Variants in ALG14 observed in about 807,000 individuals in gnomAD.
The protein encoded by ALG14 is UDP-N-acetylglucosamine transferase subunit ALG14.
A neutral mutation model predicts 22.8 loss-of-function variants in ALG14; 17 were observed. That is an observed-to-expected ratio of 0.75 (90% CI 0.51 to 1.12). The LOEUF (loss-of-function observed/expected upper bound fraction) is 1.12. Among genes scored for constraint, ALG14 ranks in the 50% most tolerant of loss-of-function variants. The pLI, the probability that ALG14 is intolerant of heterozygous loss-of-function variation, is 0.00. For missense variants in ALG14, 288 were observed against 271.8 expected, an observed-to-expected ratio of 1.06 and a Z score of -0.42; for synonymous variants, 89 against 103.7, an observed-to-expected ratio of 0.86 and a Z score of 0.86.
chr1:94,999,284 TAA>T (rs34508503), intron 3 of ALG14, among the ~76,000 whole-genome samples: 55 of 112,400 alleles, frequency 4.9e-4, no homozygotes, highest in Middle Eastern at 4.9e-3. Context: ...TCCACAAAGT[TAA>T]AAAAAAAAAA....
chr1:95,058,591 T>C (rs565327342), intron 2 of ALG14, among the ~76,000 whole-genome samples: 1 of 140,414 alleles, frequency 7.1e-6, no homozygotes, highest in East Asian at 2.2e-4. Flanking sequence ...CACTCCAGCC[T>C]GGACAACAGA....
At chr1:95,006,726 C>A (rs1057166191) in intron 3 of ALG14, among the ~76,000 whole-genome samples, 1 of 152,228 alleles carries the variant, frequency 6.6e-6, no homozygotes, top group African/African-American at 2.4e-5. Flanking sequence ...CGACAAAGGT[C>A]TTTGTTCTGG....
In ALG14 at chr1:95,008,753, T is replaced by TCACC. The variant is rs535758088; in HGVS notation, c.420+18375_420+18376insGGTG. On this transcript the variant is annotated intron_variant, in intron 3 of 3. Coordinates refer to ENST00000370205, the MANE Select transcript of ALG14 (RefSeq NM_144988.4). ...AAGCACATTTACAAGGTTGTAATTG[T>TCACC]GCTATCCATTTCTAGAACATTTTTG... 3.2e-3 allele frequency among the ~76,000 whole-genome samples: 482 copies of TCACC among 152,308 alleles called. 1 individual carries two copies. Among genetic ancestry groups the TCACC allele is most frequent in the African/African-American group, 0.011 (465 of 41,566 alleles).
intron 3 of ALG14, among the ~76,000 whole-genome samples, chr1:95,021,041 CT>C (rs1179874660): frequency 1.3e-5 from 2 of 152,164 alleles, no homozygotes; most frequent in Non-Finnish European, 2.9e-5. Flanking sequence ...ATATTTAACA[CT>C]TTAGAAACAT....
chr1:95,068,205 T>C (rs181677086), intron 1 of ALG14, among the ~76,000 whole-genome samples: 1 of 152,182 alleles, frequency 6.6e-6, no homozygotes, highest in Non-Finnish European at 1.5e-5. Flanking sequence ...AGAATGAATG[T>C]TTGATATTAA....
At chr1:94,990,653 C>T (rs1001549791) in intron 3 of ALG14, among the ~76,000 whole-genome samples, 5 of 152,164 alleles carry the variant, frequency 3.3e-5, no homozygotes, top group South Asian at 2.1e-4. Context: ...AGCCACTTGC[C>T]GATTTCTCTT....
chr1:95,000,348 C>A (rs2100733653), intron 3 of ALG14, among the ~76,000 whole-genome samples: 1 of 151,520 alleles, frequency 6.6e-6, no homozygotes, highest in South Asian at 2.1e-4. Flanking sequence ...TCAGCCTGGG[C>A]AACAGGGTGA....
intron 3 of ALG14, among the ~76,000 whole-genome samples, chr1:95,018,210 T>G (rs1673557519): frequency 6.6e-6 from 1 of 152,072 alleles, no homozygotes; most frequent in African/African-American, 2.4e-5. Flanking sequence ...GAAGCAAATA[T>G]TCAGGATGAA....
At chr1:95,054,279 T>G (rs1344395927) in intron 2 of ALG14, among the ~76,000 whole-genome samples, 1 of 152,176 alleles carries the variant, frequency 6.6e-6, no homozygotes, top group Non-Finnish European at 1.5e-5. Context: ...GAATGGTTGG[T>G]CATGATCTCC....
chr1:95,019,002 T>C (rs1003251821), intron 3 of ALG14, among the ~76,000 whole-genome samples: 1 of 152,196 alleles, frequency 6.6e-6, no homozygotes, highest in Non-Finnish European at 1.5e-5. Flanking sequence ...TAGAGAAAAG[T>C]GATTAGCCCA....
rs1672370143 is a variant in ALG14, at chr1:94,975,147, GCCCT to G, written c.*7925_*7928del. ...AGAAGCCTCATACCCATTAGGAGTT[GCCCT>G]CCATTTCCCCTTCTCACTGCCCCTG... On this transcript the variant is annotated 3_prime_UTR_variant, in exon 4 of 4. Transcript: ENST00000370205. 1 of 152,244 alleles carries G rather than the reference GCCCT, an allele frequency of 6.6e-6. No homozygotes were observed. The highest frequency in any genetic ancestry group is 2.4e-5 in the African/African-American group (1 of 41,440). The allele number at this position is 152,244 out of a possible 1,614,324, so 9.4% of individuals were successfully genotyped here.
chr1:94,995,979 C>T (rs558697628), intron 3 of ALG14, among the ~76,000 whole-genome samples: 39 of 152,328 alleles, frequency 2.6e-4, no homozygotes, highest in African/African-American at 9.1e-4. Context: ...AGCTGCGTTA[C>T]ATTAAGACTG....
chr1:95,050,484 A>ATAACTAGTTTTAT (rs1674710771), intron 2 of ALG14, among the ~76,000 whole-genome samples: 6 of 152,262 alleles, frequency 3.9e-5, no homozygotes, highest in Admixed American at 1.3e-4. Flanking sequence ...ATAGAATAGC[A>ATAACTAGTTTTAT]ATATAAACTA....
rs774141858 is a variant in ALG14 at position 94,975,450 on chromosome 1, G to A, written c.*7626C>T. 2.0e-5 allele frequency: 3 copies of A among 152,176 alleles called. No homozygotes were observed. The highest frequency in any genetic ancestry group is 6.5e-5 in the Admixed American group (1 of 15,274). The allele number at this position is 152,176 out of a possible 1,614,324, so 9.4% of individuals were successfully genotyped here. ...GGGTTATTATGAATAACGCTGCTGC[G>A]AACATATAAGTTTTTGTGTAAATAC... is the stretch of plus-strand genomic sequence containing the variant. On this transcript the variant is annotated 3_prime_UTR_variant, in exon 4 of 4. Transcript: ENST00000370205.
At chr1:95,007,949 C>G (rs567653132) in intron 3 of ALG14, among the ~76,000 whole-genome samples, 2 of 152,298 alleles carry the variant, frequency 1.3e-5, no homozygotes, top group Non-Finnish European at 2.9e-5. Context: ...GTTTTGTTAG[C>G]TGATGTATCC....
At position 95,036,419 on chromosome 1, in the gene ALG14, CTTTTTTTTT is replaced by C. The variant is rs35068075; in HGVS notation, c.289-9168_289-9160del. Among the ~76,000 whole-genome samples, 13 of 71,900 alleles carry C rather than the reference CTTTTTTTTT, an allele frequency of 1.8e-4. No individual in the cohort carries two copies. In the South Asian group the frequency reaches 5.1e-3, roughly 28 times the overall value. The allele number at this position is 71,900 out of a possible 152,430, so 47.2% of individuals were successfully genotyped here. A position where few individuals can be genotyped will look rare whatever the true frequency, so the allele number is the denominator to read the frequency against. On this transcript the variant is annotated intron_variant, in intron 2 of 3. Coordinates refer to ENST00000370205, the MANE Select transcript of ALG14 (RefSeq NM_144988.4). ...GTGGAACTGTGAGTCAATTAAACCT[CTTTTTTTTT>C]TTTTTTTTTTTTTTTTGAGATGGAG...
At chr1:95,059,195 G>A (rs58056748) in intron 2 of ALG14, among the ~76,000 whole-genome samples, 12,040 of 151,732 alleles carry the variant, frequency 0.079, 505 homozygotes, top group African/African-American at 0.11. Context: ...TCAGGAGTTC[G>A]AGACCAGCCT....
intron 3 of ALG14, among the ~76,000 whole-genome samples, chr1:95,024,989 A>G (rs1673770505): frequency 1.3e-5 from 2 of 152,216 alleles, no homozygotes; most frequent in African/African-American, 2.4e-5. Context: ...AAGGTTTTCA[A>G]TTGACTTTGT....
chr1:95,026,488 GTGTGTGTGTGTGTGTA>G (rs1673820523), intron 3 of ALG14, among the ~76,000 whole-genome samples: 2 of 151,942 alleles, frequency 1.3e-5, no homozygotes, highest in African/African-American at 4.8e-5. Flanking sequence ...GTGTGTGTGT[GTGTGTGTGTGTGTGTA>G]TGTGTGTGTG....
Sources: allele counts gnomAD v4.1 joint callset (sites outside exome capture counted in the v4.1 genomes callset), GRCh38; gene constraint gnomAD v4.1.1; transcripts MANE v1.5; gene names NCBI Gene and HGNC (gene_info 2026-07-23, HGNC 2026-07-21).